COL11A1: variants seen among roughly 807,000 people sequenced by gnomAD.
COL11A1 encodes collagen type XI alpha 1 chain, also known as collagen alpha-1(XI) chain.
COL11A1 carries 74 observed loss-of-function variants against 265.2 expected under a neutral mutation model. That is an observed-to-expected ratio of 0.28 (90% confidence interval 0.23 to 0.34). The LOEUF (loss-of-function observed/expected upper bound fraction) is 0.34, where lower values mean the gene tolerates loss of function less well. Ranked by LOEUF, COL11A1 falls within the 10% of genes least tolerant of loss-of-function variation. The pLI is 1.00. For synonymous variants in COL11A1, 816 were observed against 727.6 expected (o/e 1.12, Z -1.96); for missense variants, 2,165 against 2,263.6 (o/e 0.96, Z 0.88).
chr1:102,917,406 ACT>A (rs1655466323), intron 49 of COL11A1, among the ~76,000 whole-genome samples: 1 of 151,888 alleles, frequency 6.6e-6, no homozygotes, highest in Admixed American at 6.6e-5. Flanking sequence ...CATAGGGAAA[ACT>A]CTTCTGGACA....
intron 3 of COL11A1, among the ~76,000 whole-genome samples, chr1:103,077,187 A>C (rs1672039889): frequency 6.6e-6 from 1 of 152,094 alleles, no homozygotes; most frequent in Non-Finnish European, 1.5e-5. Flanking sequence ...TTTGATAATC[A>C]ATTAAAAATA....
chr1:103,106,625 A>G (rs773814053), intron 1 of COL11A1, among the ~76,000 whole-genome samples: 2 of 152,212 alleles, frequency 1.3e-5, no homozygotes, highest in African/African-American at 4.8e-5. Flanking sequence ...TATCCTTGAA[A>G]ATGTGGAAAT....
chr1:103,049,935 T>C (rs894435368), intron 4 of COL11A1, among the ~76,000 whole-genome samples: 1 of 152,228 alleles, frequency 6.6e-6, no homozygotes, highest in Non-Finnish European at 1.5e-5. Context: ...GCCCCCACTC[T>C]CTTCTGGCTT....
At chr1:102,959,001 C>T (rs2101546045) in intron 41 of COL11A1, among the ~76,000 whole-genome samples, 1 of 152,276 alleles carries the variant, frequency 6.6e-6, no homozygotes, top group Non-Finnish European at 1.5e-5. Context: ...ATCCTACTAC[C>T]TCGCCCCCTC....
chr1:103,025,828 G>A (rs1667464585), intron 6 of COL11A1: 2 of 1,613,332 alleles, frequency 1.2e-6, no homozygotes. Flanking sequence ...TTTTGCTGAT[G>A]CTTGATAACT....
chr1:103,033,143 T>C (rs1668111874), intron 4 of COL11A1, among the ~76,000 whole-genome samples: 1 of 152,130 alleles, frequency 6.6e-6, no homozygotes, highest in Admixed American at 6.6e-5. Flanking sequence ...GTCTTCAAGA[T>C]TGATGCACGT....
chr1:103,089,918 G>C (rs1019241755), intron 1 of COL11A1, among the ~76,000 whole-genome samples: 6 of 152,180 alleles, frequency 3.9e-5, no homozygotes, highest in African/African-American at 1.4e-4. Context: ...GAGGTCAGGA[G>C]TTCAAGTCCA....
chr1:103,031,145 C>G lies in COL11A1; in HGVS notation c.751G>C (p.Ala251Pro), dbSNP rs1221655800. ...TCTATCTGAGGTTCCTGAGCTTGAG[C>G]AGCCTTGGGTGCTGAAGAGTCACAG... is the stretch of plus-strand genomic sequence containing the variant. ...PDCDSSAPKAAQAQEPQIDEY... is the reference protein window; with the variant it reads ...PDCDSSAPKAPQAQEPQIDEY... Residue 251 changes from alanine to proline, a missense_variant, in exon 5 of 67, where the codon GCT becomes CCT. Coordinates refer to ENST00000370096, the MANE Select transcript of COL11A1 (RefSeq NM_001854.4). 1 of 1,613,122 alleles carries G rather than the reference C, an allele frequency of 6.2e-7. No homozygotes were observed. The highest frequency in any genetic ancestry group is 8.5e-7 in the Non-Finnish European group (1 of 1,179,584).
chr1:103,080,968 G>C lies in COL11A1; in HGVS notation c.274+1837C>G, dbSNP rs562637893. On this transcript the variant is annotated intron_variant, in intron 2 of 66. Transcript: ENST00000370096. ...ATTTATTGCAATATTATTCATAATAGCCAATATATGGAATCAACCCACCAT... is the reference window on the plus strand; with the variant it reads ...ATTTATTGCAATATTATTCATAATACCCAATATATGGAATCAACCCACCAT... Among the ~76,000 whole-genome samples, 443 of 151,810 alleles carry C rather than the reference G, an allele frequency of 2.9e-3. 3 individuals carry two copies. The highest frequency in any genetic ancestry group is 0.01 in the African/African-American group (429 of 41,474).
At chr1:103,009,313 C>T (rs1315615108) in intron 14 of COL11A1, among the ~76,000 whole-genome samples, 1 of 152,106 alleles carries the variant, frequency 6.6e-6, no homozygotes, top group African/African-American at 2.4e-5. Context: ...ACTCAGGAGG[C>T]TGAGACAGAA....
intron 4 of COL11A1, among the ~76,000 whole-genome samples, chr1:103,060,473 TGAG>T (rs1670586430): frequency 6.6e-6 from 1 of 152,196 alleles, no homozygotes; most frequent in South Asian, 2.1e-4. Context: ...ATCTAAGGTA[TGAG>T]TTTTTTCAAA....
At chr1:103,098,430 T>G (rs1673965878) in intron 1 of COL11A1, among the ~76,000 whole-genome samples, 1 of 151,916 alleles carries the variant, frequency 6.6e-6, no homozygotes, top group South Asian at 2.1e-4. Context: ...TCTATGAAAC[T>G]TTATAAAGCA....
At chr1:103,001,791 G>A (rs534639575) in intron 24 of COL11A1, 134 bp downstream of exon 24, 6 of 765,724 alleles carry the variant, frequency 7.8e-6, no homozygotes, top group Admixed American at 6.2e-5. Context: ...TTTCCATGTC[G>A]ACTCCAGATT....
chr1:103,074,906 C>T (rs1421686756), intron 3 of COL11A1, 126 bp from the exon 4 acceptor site: 25 of 1,128,708 alleles, frequency 2.2e-5, no homozygotes, highest in Non-Finnish European at 2.7e-5. Context: ...AAAATGTAGG[C>T]TCATTTATTA....
intron 2 of COL11A1, 37 bp from the exon 3 acceptor site, chr1:103,078,908 T>C (rs1672189626): frequency 7.0e-7 from 1 of 1,436,350 alleles, no homozygotes; most frequent in South Asian, 1.2e-5. Context: ...AAATTTCCAA[T>C]TTCCAATTTC....
intron 1 of COL11A1, among the ~76,000 whole-genome samples, chr1:103,107,175 C>T (rs1006694371): frequency 3.3e-5 from 5 of 152,136 alleles, no homozygotes; most frequent in Non-Finnish European, 5.9e-5. Flanking sequence ...TCCGTGGGTA[C>T]TGACAGGGTT....
At chr1:102,921,341 T>A (rs536819477) in intron 48 of COL11A1, among the ~76,000 whole-genome samples, 177 bp downstream of exon 48, 1 of 152,332 alleles carries the variant, frequency 6.6e-6, no homozygotes, top group Admixed American at 6.5e-5. Flanking sequence ...TTGTTCACTA[T>A]AAATTCCATT....
chr1:103,024,487 A>AC (rs1667363928), intron 7 of COL11A1, among the ~76,000 whole-genome samples: 1 of 152,298 alleles, frequency 6.6e-6, no homozygotes, highest in African/African-American at 2.4e-5. Context: ...GTAATTTTTC[A>AC]CTAAAATTAA....
At position 103,046,216 on chromosome 1, in the gene COL11A1, C is replaced by A. The variant is rs1354775658; in HGVS notation, c.652-14972G>T. Among the ~76,000 whole-genome samples the A allele has an allele frequency of 5.6e-5, 8 of 142,248 alleles. No homozygotes were observed. The East Asian group carries it at 8.3e-4, about 15-fold the overall frequency. The allele number at this position is 142,248 out of a possible 152,430, so 93.3% of individuals were successfully genotyped here. A position where few individuals can be genotyped will look rare whatever the true frequency, so the allele number is the denominator to read the frequency against. ...CACACTGACTTCCACAATGGTTGAACTAGTTTACAGTCCCACCAACAGTGT... is the reference window on the plus strand; with the variant it reads ...CACACTGACTTCCACAATGGTTGAAATAGTTTACAGTCCCACCAACAGTGT... On this transcript the variant is annotated intron_variant, in intron 4 of 66. Transcript: ENST00000370096.
Sources: gnomAD v4.1 joint callset for allele counts (sites outside exome capture counted in the v4.1 genomes callset) on GRCh38, gnomAD v4.1.1 for gene constraint, MANE v1.5 for transcripts, NCBI Gene and HGNC (gene_info 2026-07-23, HGNC 2026-07-21) for gene names.